Variants in MDGA2 observed in about 807,000 individuals in gnomAD.
The protein encoded by MDGA2 is MAM domain-containing glycosylphosphatidylinositol anchor protein 2.
Under a neutral mutation model 117.8 loss-of-function variants are expected in MDGA2, and 40 were observed. The observed-to-expected ratio is 0.34, with a 90% CI of 0.26 to 0.44. The LOEUF (loss-of-function observed/expected upper bound fraction) is 0.44. Among genes scored for constraint, MDGA2 ranks in the 20% least tolerant of loss-of-function variants. The pLI is 1.00. For missense variants in MDGA2, 1,123 were observed against 1,250.6 expected (o/e 0.90, Z 1.54); for synonymous variants, 452 against 439.0 (o/e 1.03, Z -0.37).
intron 12 of MDGA2, among the ~76,000 whole-genome samples, chr14:46,877,253 C>T (rs1298409064): frequency 6.6e-6 from 1 of 151,538 alleles, no homozygotes; most frequent in Non-Finnish European, 1.5e-5. Flanking sequence ...TAAATGGCTC[C>T]ATATTTCAAT....
chr14:47,663,601 A>C (rs1209522543), intron 1 of MDGA2, among the ~76,000 whole-genome samples: 2 of 152,212 alleles, frequency 1.3e-5, no homozygotes, highest in African/African-American at 4.8e-5. Context: ...TGGTGAGCAA[A>C]GTCCCACTCA....
intron 5 of MDGA2, among the ~76,000 whole-genome samples, chr14:47,128,416 T>A (rs897548326): frequency 6.6e-6 from 1 of 152,100 alleles, no homozygotes; most frequent in Non-Finnish European, 1.5e-5. Context: ...CTTTTATTCA[T>A]CCCATAGGCC....
Position 47,275,412 on chromosome 14 carries a change from A to G in MDGA2, c.420+25999T>C, listed in dbSNP as rs549522655. 7.2e-5 allele frequency among the ~76,000 whole-genome samples: 11 copies of G among 152,324 alleles called. No individual in the cohort carries two copies. In the South Asian group the frequency reaches 2.3e-3, roughly 32 times the overall value. ...AGGTTAAGCTCAGTTGAAAGAGTAT[A>G]TGTGCTGAAAGAAGGCCAATGTAAT... On this transcript the variant is annotated intron_variant, in intron 2 of 16. Transcript: ENST00000399232.
chr14:47,151,573 GTTA>G (rs1389450775), intron 3 of MDGA2, among the ~76,000 whole-genome samples: 4 of 151,796 alleles, frequency 2.6e-5, no homozygotes, highest in African/African-American at 7.3e-5. Context: ...ACTCTCTTCT[GTTA>G]TTGTTATTTT....
intron 1 of MDGA2, among the ~76,000 whole-genome samples, chr14:47,469,314 C>G (rs1317272746): frequency 6.6e-6 from 1 of 152,086 alleles, no homozygotes; most frequent in Non-Finnish European, 1.5e-5. Context: ...CACTCCCCGA[C>G]CCCACAACAG....
chr14:47,647,950 T>G (rs1045231615), intron 1 of MDGA2, among the ~76,000 whole-genome samples: 13 of 152,136 alleles, frequency 8.5e-5, no homozygotes, highest in African/African-American at 2.7e-4. Context: ...ATTAATGTAT[T>G]AAATTATTAC....
At chr14:47,173,452 C>A (rs999261231) in intron 3 of MDGA2, among the ~76,000 whole-genome samples, 4 of 152,146 alleles carry the variant, frequency 2.6e-5, no homozygotes, top group Non-Finnish European at 5.9e-5. Flanking sequence ...GCGGATCTCT[C>A]GGCAGAAATT....
chr14:47,000,067 TA>T (rs1039304768), intron 8 of MDGA2, among the ~76,000 whole-genome samples: 11 of 151,164 alleles, frequency 7.3e-5, no homozygotes, highest in Non-Finnish European at 1.2e-4. Context: ...TTATCTTGCC[TA>T]AAAAAAACTG....
At chr14:46,886,932 A>C (rs1882700028) in intron 10 of MDGA2, among the ~76,000 whole-genome samples, 1 of 152,056 alleles carries the variant, frequency 6.6e-6, no homozygotes, top group African/African-American at 2.4e-5. Context: ...ACTAGATGAC[A>C]CTGTTAACCA....
intron 1 of MDGA2, among the ~76,000 whole-genome samples, chr14:47,530,478 A>G (rs1895073455): frequency 1.3e-5 from 2 of 152,196 alleles, no homozygotes; most frequent in African/African-American, 4.8e-5. Context: ...TTATCTCTGT[A>G]TACTGTACTT....
chr14:47,234,263 A>T (rs1307769442), intron 2 of MDGA2, among the ~76,000 whole-genome samples: 2 of 150,820 alleles, frequency 1.3e-5, no homozygotes, highest in Admixed American at 1.3e-4. Flanking sequence ...ATATAAATGC[A>T]TATATGTAGA....
chr14:46,882,959 A>G (rs1293615022), intron 10 of MDGA2, among the ~76,000 whole-genome samples: 1 of 151,964 alleles, frequency 6.6e-6, no homozygotes, highest in Non-Finnish European at 1.5e-5. Context: ...TGATTGTAAT[A>G]TGTTAAAAGA....
intron 3 of MDGA2, among the ~76,000 whole-genome samples, chr14:47,202,349 C>A (rs1252423918): frequency 6.6e-6 from 1 of 152,192 alleles, no homozygotes; most frequent in African/African-American, 2.4e-5. Flanking sequence ...GAGATGCATG[C>A]TTGCAATTAG....
intron 7 of MDGA2, among the ~76,000 whole-genome samples, chr14:47,054,394 C>T (rs1437487910): frequency 2.0e-5 from 3 of 151,560 alleles, no homozygotes; most frequent in African/African-American, 7.3e-5. Context: ...TACATATGTA[C>T]ATGTGCCATG....
chr14:47,078,507 T>C lies in MDGA2; in HGVS notation c.1196-16929A>G, dbSNP rs201920107. Among the ~76,000 whole-genome samples the C allele has an allele frequency of 3.3e-5, 5 of 152,102 alleles. No homozygotes were observed. In the East Asian group the frequency reaches 5.8e-4, roughly 18 times the overall value. The stretch of plus-strand genomic sequence containing the variant: ...GTCAACATATCAAAGAAAATATCCA[T>C]ATCAAATTTTTGAAATATAAATCCA... On this transcript the variant is annotated intron_variant, in intron 6 of 16. Coordinates refer to ENST00000399232, the MANE Select transcript of MDGA2 (RefSeq NM_001113498.3).
chr14:46,880,990 TA>T (rs2138387149), intron 11 of MDGA2, among the ~76,000 whole-genome samples: 1 of 134,570 alleles, frequency 7.4e-6, no homozygotes, highest in Admixed American at 8.0e-5. Flanking sequence ...ATATAGTTAA[TA>T]AAAAGAAAAC....
At chr14:47,454,988 G>A (rs1259550465) in intron 1 of MDGA2, among the ~76,000 whole-genome samples, 3 of 152,084 alleles carry the variant, frequency 2.0e-5, no homozygotes, top group African/African-American at 4.8e-5. Context: ...GTGATTGAAA[G>A]GCATTTATAT....
intron 1 of MDGA2, among the ~76,000 whole-genome samples, chr14:47,599,376 C>G (rs752405300): frequency 6.6e-6 from 1 of 151,460 alleles, no homozygotes; most frequent in Admixed American, 6.6e-5. Context: ...CTGATGTATA[C>G]TTAGGCACAA....
At chr14:47,411,538 G>A (rs551303778) in intron 1 of MDGA2, among the ~76,000 whole-genome samples, 6 of 152,064 alleles carry the variant, frequency 3.9e-5, no homozygotes, top group Admixed American at 1.3e-4. Flanking sequence ...ATTTTATTAC[G>A]TCACTAGGAT....
Sources: allele counts gnomAD v4.1 joint callset (sites outside exome capture counted in the v4.1 genomes callset), GRCh38; gene constraint gnomAD v4.1.1; transcripts MANE v1.5; gene names NCBI Gene and HGNC (gene_info 2026-07-23, HGNC 2026-07-21).